The following GPAT3 variants were observed in gnomAD, a reference collection of about 807,000 sequenced individuals.
The protein encoded by GPAT3 is glycerol-3-phosphate acyltransferase 3.
Under a neutral mutation model 58.8 loss-of-function variants are expected in GPAT3, and 53 were observed. That is an observed-to-expected ratio of 0.90 (90% CI 0.72 to 1.13). The LOEUF is 1.13. Among genes scored for constraint, GPAT3 ranks in the 50% most tolerant of loss-of-function variants. GPAT3 has a pLI of 0.00. For synonymous variants in GPAT3, 197 were observed against 187.4 expected, an observed-to-expected ratio of 1.05 and a Z score of -0.42; for missense variants, 511 against 527.6, an observed-to-expected ratio of 0.97 and a Z score of 0.31.
chr4:83,547,145 T>C (rs1412585723), intron 2 of GPAT3, among the ~76,000 whole-genome samples: 1 of 151,928 alleles, frequency 6.6e-6, no homozygotes. Flanking sequence ...GGGTACAATT[T>C]TGAGGTGTGT....
chr4:83,575,296 C>T (rs1399123496), intron 2 of GPAT3, among the ~76,000 whole-genome samples: 1 of 152,134 alleles, frequency 6.6e-6, no homozygotes, highest in East Asian at 1.9e-4. Flanking sequence ...TTTTTCCTGT[C>T]AGAGCTTATA....
At position 83,536,442 on chromosome 4, in the gene GPAT3, G is replaced by C; in HGVS notation, c.-181G>C. ...TGGCAGGGGCGAGGAGGAGCCCAGGGAGGAAGGAAGGATATTGCCGTAATT... is the reference window on the plus strand; with the variant it reads ...TGGCAGGGGCGAGGAGGAGCCCAGGCAGGAAGGAAGGATATTGCCGTAATT... On this transcript the variant is annotated 5_prime_UTR_variant, in exon 1 of 12. Coordinates refer to ENST00000264409, the MANE Select transcript of GPAT3 (RefSeq NM_032717.5). 1 of 1,409,828 alleles carries C rather than the reference G, an allele frequency of 7.1e-7. No homozygotes were observed. Among genetic ancestry groups the C allele is most frequent in the South Asian group, 1.6e-5 (1 of 60,620 alleles). 87.3% of individuals were successfully genotyped at this position (1,409,828 alleles called of 1,614,324 possible).
intron 7 of GPAT3, among the ~76,000 whole-genome samples, chr4:83,595,505 T>G (rs547791180): frequency 2.6e-5 from 4 of 152,222 alleles, no homozygotes; most frequent in African/African-American, 9.6e-5. Context: ...GAGAATGGCT[T>G]GAACCCAGGA....
intron 1 of GPAT3, among the ~76,000 whole-genome samples, chr4:83,537,705 C>T (rs1442784666): frequency 3.3e-5 from 5 of 151,654 alleles, no homozygotes; most frequent in Non-Finnish European, 5.9e-5. Flanking sequence ...ATCTTCCTGC[C>T]GTCACCTCCC....
rs531089145 is a variant in GPAT3, at chr4:83,583,127, C to G, written c.479+1295C>G. Among the ~76,000 whole-genome samples the G allele has an allele frequency of 2.4e-4, 37 of 151,902 alleles. 1 individual carries two copies. The South Asian group carries it at 7.3e-3, about 30-fold the overall frequency. On this transcript the variant is annotated intron_variant, in intron 3 of 11. Transcript: ENST00000264409. Reference sequence around the variant, plus strand: ...CCTGGCCAACATGGTGAAACCTCATCTCTACTAAAAATACAAAAATTAACT... The same window carrying G: ...CCTGGCCAACATGGTGAAACCTCATGTCTACTAAAAATACAAAAATTAACT...
chr4:83,562,608 A>T (rs1383693276), intron 2 of GPAT3, among the ~76,000 whole-genome samples: 1 of 151,992 alleles, frequency 6.6e-6, no homozygotes, highest in Non-Finnish European at 1.5e-5. Flanking sequence ...CATAGTTGGG[A>T]ATTATTTGCA....
In GPAT3 at chr4:83,594,862, C is replaced by T. The variant is rs765240686; in HGVS notation, c.756C>T (p.Gly252=). ...GCYAMVGQVH[G]GLMGIIQRAM... ...ACTTCTAGGTTGGCCAGGTTCATGGCGGCTTGATGGGAATTATTCAGAGAG... is the reference window on the plus strand; with the variant it reads ...ACTTCTAGGTTGGCCAGGTTCATGGTGGCTTGATGGGAATTATTCAGAGAG... The change falls in exon 7 of 12, where the codon GGC becomes GGT. Residue 252 remains glycine (G), a synonymous_variant. Transcript: ENST00000264409. 17 of 1,613,620 alleles carry T rather than the reference C, an allele frequency of 1.1e-5. No homozygotes were observed. Among genetic ancestry groups the T allele is most frequent in the Admixed American group, 1.7e-5 (1 of 59,960 alleles).
At chr4:83,546,326 A>C (rs2110072083) in intron 2 of GPAT3, among the ~76,000 whole-genome samples, 1 of 151,498 alleles carries the variant, frequency 6.6e-6, no homozygotes, top group East Asian at 2.0e-4. Context: ...TCAATTTGGC[A>C]GGTGATGGGA....
chr4:83,586,085 ATAT>A (rs1180444386), intron 3 of GPAT3, among the ~76,000 whole-genome samples: 4 of 152,108 alleles, frequency 2.6e-5, no homozygotes, highest in Non-Finnish European at 4.4e-5. Flanking sequence ...GATAATGATA[ATAT>A]TATTGCCTCA....
chr4:83,552,367 C>T (rs532748357), intron 2 of GPAT3, among the ~76,000 whole-genome samples: 2 of 152,280 alleles, frequency 1.3e-5, no homozygotes, highest in East Asian at 1.9e-4. Context: ...TTCCCTCACC[C>T]CACCCCTGCT....
At chr4:83,546,872 C>G (rs572849810) in intron 2 of GPAT3, among the ~76,000 whole-genome samples, 4 of 152,084 alleles carry the variant, frequency 2.6e-5, no homozygotes, top group Non-Finnish European at 5.9e-5. Context: ...CAACTTTGCT[C>G]CCCTCCTGAT....
chr4:83,603,154 A>T (rs1250997826), intron 11 of GPAT3, among the ~76,000 whole-genome samples: 2 of 152,236 alleles, frequency 1.3e-5, no homozygotes, highest in South Asian at 4.1e-4. Context: ...AAACAGTCAG[A>T]GTATAAAGTA....
At chr4:83,545,260 G>C (rs1724463388) in intron 2 of GPAT3, among the ~76,000 whole-genome samples, 1 of 152,120 alleles carries the variant, frequency 6.6e-6, no homozygotes, top group Admixed American at 6.6e-5. Context: ...GGGCAACATG[G>C]CGAAACCCTG....
chr4:83,539,350 C>A lies in GPAT3; in HGVS notation c.141+2587C>A, dbSNP rs146541772. On this transcript the variant is annotated intron_variant, in intron 1 of 11. Coordinates refer to ENST00000264409, the MANE Select transcript of GPAT3 (RefSeq NM_032717.5). ...TTTACATTTCATTCCCAAGAATATT[C>A]TTTGGGCTCTGATCATAATTGGATA... 4.6e-3 allele frequency among the ~76,000 whole-genome samples: 701 copies of A among 152,254 alleles called. 6 individuals are homozygous for A. The highest frequency in any genetic ancestry group is 0.016 in the African/African-American group (668 of 41,542).
chr4:83,601,208 T>C (rs996288300), intron 11 of GPAT3, among the ~76,000 whole-genome samples: 1 of 152,258 alleles, frequency 6.6e-6, no homozygotes, highest in Non-Finnish European at 1.5e-5. Context: ...TTCTTTATAA[T>C]GTTGATGAGA....
chr4:83,585,834 G>T (rs1221620114), intron 3 of GPAT3, among the ~76,000 whole-genome samples: 1 of 152,206 alleles, frequency 6.6e-6, no homozygotes, highest in East Asian at 1.9e-4. Context: ...TGATCCACTC[G>T]CCTGGGCCTC....
intron 3 of GPAT3, 129 bp from the exon 4 acceptor site, chr4:83,587,126 T>C: frequency 1.4e-6 from 1 of 701,214 alleles, no homozygotes; most frequent in South Asian, 1.9e-5. Flanking sequence ...CCAGTTATTT[T>C]AGTGGCTGCA....
chr4:83,574,097 T>TCA (rs1376721691), intron 2 of GPAT3, among the ~76,000 whole-genome samples: 1 of 152,216 alleles, frequency 6.6e-6, no homozygotes, highest in Non-Finnish European at 1.5e-5. Flanking sequence ...GGGTTCTTGC[T>TCA]CACACAGACC....
At chr4:83,562,212 T>TATA in intron 2 of GPAT3, among the ~76,000 whole-genome samples, 1 of 11,382 alleles carries the variant, frequency 8.8e-5, no homozygotes, top group African/African-American at 6.9e-4. Context: ...ATATATATAT[T>TATA]ATATATATAT....
Sources: allele counts gnomAD v4.1 joint callset (sites outside exome capture counted in the v4.1 genomes callset), GRCh38; gene constraint gnomAD v4.1.1; transcripts MANE v1.5; gene names NCBI Gene and HGNC (gene_info 2026-07-23, HGNC 2026-07-21).